Variants in GABRG3 observed in about 807,000 individuals in gnomAD.
GABRG3 encodes gamma-aminobutyric acid receptor subunit gamma-3.
GABRG3 carries 25 observed loss-of-function variants against 48.8 expected under a neutral mutation model. The observed-to-expected ratio is 0.51, with a 90% CI of 0.37 to 0.72. The LOEUF is 0.72. Ranked by LOEUF, GABRG3 falls within the 30% of genes least tolerant of loss-of-function variation. The pLI is 0.00. For synonymous variants in GABRG3, 227 were observed against 217.6 expected (o/e 1.04, Z -0.38); for missense variants, 394 against 577.9 (o/e 0.68, Z 3.26).
chr15:27,441,589 T>G (rs971015270), intron 5 of GABRG3, among the ~76,000 whole-genome samples: 4 of 152,188 alleles, frequency 2.6e-5, no homozygotes, highest in Admixed American at 6.5e-5. Flanking sequence ...CAGACCCATC[T>G]TCATTCGCTC....
chr15:27,135,305 T>C (rs2140385726), intron 3 of GABRG3, among the ~76,000 whole-genome samples: 2 of 152,260 alleles, frequency 1.3e-5, no homozygotes, highest in African/African-American at 4.8e-5. Flanking sequence ...GCTTTGAGAA[T>C]AAGAGCCAGT....
chr15:27,226,336 C>T (rs935430450), intron 3 of GABRG3, among the ~76,000 whole-genome samples: 3 of 152,122 alleles, frequency 2.0e-5, no homozygotes, highest in African/African-American at 4.8e-5. Context: ...AGGGACTGAG[C>T]GTGGTCAGGG....
chr15:27,139,568 T>C (rs1299590556), intron 3 of GABRG3, among the ~76,000 whole-genome samples: 1 of 152,160 alleles, frequency 6.6e-6, no homozygotes, highest in Non-Finnish European at 1.5e-5. Flanking sequence ...TCCAATCAAG[T>C]TGACACCTAA....
At chr15:27,043,869 C>T (rs777876831) in intron 3 of GABRG3, among the ~76,000 whole-genome samples, 1 of 152,212 alleles carries the variant, frequency 6.6e-6, no homozygotes, top group Non-Finnish European at 1.5e-5. Flanking sequence ...GCCTGCAGTC[C>T]TCCCGAGGCT....
At chr15:27,512,264 A>G (rs1890914062) in intron 6 of GABRG3, among the ~76,000 whole-genome samples, 1 of 142,312 alleles carries the variant, frequency 7.0e-6, no homozygotes, top group South Asian at 2.3e-4. Context: ...ATCAAGTGCG[A>G]TGTCATTGGT....
At chr15:27,445,743 C>A (rs1053363348) in intron 5 of GABRG3, among the ~76,000 whole-genome samples, 1 of 151,854 alleles carries the variant, frequency 6.6e-6, no homozygotes, top group African/African-American at 2.4e-5. Context: ...GTTTTTTTAA[C>A]CTGAGACTTA....
At chr15:27,258,095 A>G (rs1289366517) in intron 3 of GABRG3, among the ~76,000 whole-genome samples, 1 of 152,140 alleles carries the variant, frequency 6.6e-6, no homozygotes, top group Non-Finnish European at 1.5e-5. Flanking sequence ...CTAATGGGTA[A>G]TGACGGGCTG....
intron 5 of GABRG3, among the ~76,000 whole-genome samples, chr15:27,384,208 A>T (rs376060654): frequency 1.1e-4 from 16 of 152,296 alleles, no homozygotes; most frequent in African/African-American, 3.8e-4. Flanking sequence ...TGCAACAGAA[A>T]ATACCCAGGA....
intron 3 of GABRG3, among the ~76,000 whole-genome samples, chr15:27,058,719 C>T (rs2140720127): frequency 6.6e-6 from 1 of 152,044 alleles, no homozygotes; most frequent in African/African-American, 2.4e-5. Flanking sequence ...ATGACTTTAC[C>T]TATACAGTGC....
In GABRG3 at chr15:27,456,297, G is replaced by A. The variant is rs190095269; in HGVS notation, c.575-24353G>A. ...CCTCTGTAGATCTCAAGAACTGTAG[G>A]ACAATAGTTGGTCATGACACCCACA... On this transcript the variant is annotated intron_variant, in intron 5 of 9. Coordinates refer to ENST00000615808, the MANE Select transcript of GABRG3 (RefSeq NM_033223.5). Among the ~76,000 whole-genome samples, 3 of 152,180 alleles carry A rather than the reference G, an allele frequency of 2.0e-5. No individual in the cohort carries two copies. In the East Asian group the frequency reaches 5.8e-4, roughly 29 times the overall value.
At chr15:27,263,579 C>T (rs894232042) in intron 3 of GABRG3, among the ~76,000 whole-genome samples, 1 of 152,160 alleles carries the variant, frequency 6.6e-6, no homozygotes. Context: ...TTCTTTCCAT[C>T]TATCTGTGGG....
chr15:26,978,253 A>T (rs1894988926), intron 2 of GABRG3, among the ~76,000 whole-genome samples: 1 of 151,858 alleles, frequency 6.6e-6, no homozygotes, highest in Non-Finnish European at 1.5e-5. Context: ...CCTAGGTATG[A>T]TCCTTTATGT....
chr15:27,073,985 G>C (rs569051247), intron 3 of GABRG3, among the ~76,000 whole-genome samples: 1 of 152,294 alleles, frequency 6.6e-6, no homozygotes, highest in Non-Finnish European at 1.5e-5. Context: ...ACAGTTCCAC[G>C]TGGCTGGGGA....
chr15:27,325,383 A>G (rs1595678504), intron 3 of GABRG3, among the ~76,000 whole-genome samples: 1 of 152,234 alleles, frequency 6.6e-6, no homozygotes, highest in African/African-American at 2.4e-5. Flanking sequence ...GTGACCTGCC[A>G]TGGCTGCTGA....
chr15:27,378,221 A>AGAT (rs1895659504), intron 5 of GABRG3, among the ~76,000 whole-genome samples: 2 of 152,208 alleles, frequency 1.3e-5, no homozygotes, highest in Admixed American at 1.3e-4. Context: ...TTAAACAACT[A>AGAT]ATGTCAGGCA....
intron 3 of GABRG3, among the ~76,000 whole-genome samples, chr15:27,084,816 G>T (rs574043276): frequency 3.2e-4 from 49 of 152,256 alleles, no homozygotes; most frequent in African/African-American, 1.1e-3. Flanking sequence ...CTCCAGGGGG[G>T]TGCCACTCTC....
intron 9 of GABRG3, among the ~76,000 whole-genome samples, chr15:27,530,356 G>A (rs905218220): frequency 9.2e-5 from 14 of 152,144 alleles, no homozygotes; most frequent in Admixed American, 2.0e-4. Context: ...TTTGGGAATC[G>A]TTAATTAAAA....
At chr15:27,354,366 A>T (rs1433497289) in intron 5 of GABRG3, among the ~76,000 whole-genome samples, 5 of 152,176 alleles carry the variant, frequency 3.3e-5, no homozygotes, top group African/African-American at 1.2e-4. Flanking sequence ...ACCCTGAATC[A>T]TTTCTAATCA....
intron 6 of GABRG3, chr15:27,481,297 A>G (rs1890096241): frequency 1.1e-6 from 1 of 903,802 alleles, no homozygotes. Flanking sequence ...TGCATATTCA[A>G]AATCCTGTAA....
Sources: allele counts gnomAD v4.1 joint callset (sites outside exome capture counted in the v4.1 genomes callset), GRCh38; gene constraint gnomAD v4.1.1; transcripts MANE v1.5; gene names NCBI Gene and HGNC (gene_info 2026-07-23, HGNC 2026-07-21).